CHD4: variants seen among roughly 807,000 people sequenced by gnomAD.
CHD4 encodes the protein chromodomain helicase DNA binding protein 4.
In CHD4, 35 loss-of-function variants were observed where a neutral mutation model predicts 235.5. The observed-to-expected ratio is 0.15, with a 90% confidence interval of 0.11 to 0.20. The LOEUF is 0.20. Among genes scored for constraint, CHD4 ranks in the 10% least tolerant of loss-of-function variants. CHD4 has a pLI of 1.00. For synonymous variants in CHD4, 900 were observed against 850.2 expected (o/e 1.06, Z -1.02); for missense variants, 1,329 against 2,432.3 (o/e 0.55, Z 9.54).
At position 6,570,943 on chromosome 12, in the gene CHD4, C is replaced by T; in HGVS notation, c.5647G>A (p.Val1883Met). ...ATIARIPPVA[V>M]RLQMSERNIL... ...TTACGCTCTGACATCTGTAACCTCA[C>T]AGCAACTGGGGGAATTCGGGCAATG... Residue 1883 changes from valine to methionine, a missense_variant, in exon 39 of 40, where the codon GTG becomes ATG. Transcript: ENST00000544040. The T allele has an allele frequency of 6.2e-7, 1 of 1,614,168 alleles. No homozygotes were observed. Among genetic ancestry groups the T allele is most frequent in the Non-Finnish European group, 8.5e-7 (1 of 1,180,042 alleles).
chr12:6,595,454 G>A (rs1222415191), intron 13 of CHD4, 24 bp from the exon 14 acceptor site: 1 of 1,599,566 alleles, frequency 6.3e-7, no homozygotes, highest in Non-Finnish European at 8.6e-7. Context: ...ACATCACACA[G>A]CTGCCCAAAA....
chr12:6,599,057 G>A (rs975149537), intron 10 of CHD4, among the ~76,000 whole-genome samples: 3 of 152,170 alleles, frequency 2.0e-5, no homozygotes, highest in African/African-American at 4.8e-5. Context: ...TTAACAATAA[G>A]CCAGAACAAT....
Position 6,601,271 on chromosome 12 carries a change from A to G in CHD4, c.799+18T>C, listed in dbSNP as rs115269629. On this transcript the variant is annotated intron_variant, in intron 6 of 39. Coordinates refer to ENST00000544040, the MANE Select transcript of CHD4 (RefSeq NM_001273.5). ...GCCCACACTAGACACCCCCACTCCC[A>G]TTTGAACCCCATTTCACCTTTGCCC... is the stretch of plus-strand genomic sequence containing the variant. 7,602 of 1,610,622 alleles carry G rather than the reference A, an allele frequency of 4.7e-3. 265 individuals are homozygous for G. The African/African-American group carries it at 0.082, about 17-fold the overall frequency.
At chr12:6,582,423 T>C (rs1195865849) in intron 29 of CHD4, 142 bp from the exon 30 acceptor site, 2 of 1,311,254 alleles carry the variant, frequency 1.5e-6, no homozygotes, top group Non-Finnish European at 2.1e-6. Context: ...GGAAGGCTGA[T>C]CTCTAGACCC....
At chr12:6,594,327 T>C (rs1425671686) in intron 15 of CHD4, 132 bp downstream of exon 15, 1 of 706,618 alleles carries the variant, frequency 1.4e-6, no homozygotes, top group Non-Finnish European at 2.4e-6. Context: ...TACATGTGTT[T>C]ATCTATTATC....
intron 22 of CHD4, 130 bp from the exon 23 acceptor site, chr12:6,588,552 TG>T (rs1948340321): frequency 1.0e-6 from 1 of 962,592 alleles, no homozygotes; most frequent in Non-Finnish European, 1.5e-6. Context: ...CAGAGACAGG[TG>T]GATCATTTGA....
rs1305046519 is a variant in CHD4 at position 6,587,904 on chromosome 12, T to C, written c.3511A>G (p.Ile1171Val). Residue 1171 changes from isoleucine (I) to valine (V), a missense_variant, in exon 24 of 40, where the codon ATC becomes GTC. Ile to Val is a conservative substitution (Grantham distance 29, BLOSUM62 3). Around this residue, in one of 26 missense-constraint regions of CHD4, gnomAD observed 13 missense variants for 141.9 expected, o/e 0.09. Transcript: ENST00000544040. ...HRIGQNKKVMIYRFVTRASVE... is the reference protein window; with the variant it reads ...HRIGQNKKVMVYRFVTRASVE... ...GACGCACGGGTCACAAACCGGTAGATCATTACCTTTTTATTTTGCCCAATC... is the reference window on the plus strand; with the variant it reads ...GACGCACGGGTCACAAACCGGTAGACCATTACCTTTTTATTTTGCCCAATC... The C allele has an allele frequency of 6.2e-7, 1 of 1,614,210 alleles. No individual in the cohort carries two copies. Among genetic ancestry groups the C allele is most frequent in the South Asian group, 1.1e-5 (1 of 91,084 alleles).
chr12:6,606,482 C>G (rs907832930), intron 1 of CHD4, 31 bp from the exon 2 acceptor site: 2 of 587,762 alleles, frequency 3.4e-6, no homozygotes, highest in East Asian at 3.4e-5. Flanking sequence ...AAACACAGAA[C>G]AGTCAGTGAC....
At position 6,570,712 on chromosome 12, in the gene CHD4, G is replaced by C. The variant is rs771386254; in HGVS notation, c.5722-19C>G. The C allele has an allele frequency of 6.2e-7, 1 of 1,614,114 alleles. No individual in the cohort carries two copies. Among genetic ancestry groups the C allele is most frequent in the East Asian group, 2.2e-5 (1 of 44,882 alleles). On this transcript the variant is annotated intron_variant, in intron 39 of 39. Transcript: ENST00000544040. The stretch of plus-strand genomic sequence containing the variant: ...GGGCTACCTAGAGAAGGAGACCCGA[G>C]GAGTCAGAATTCCAGATGATAGGAA...
chr12:6,585,349 A>G lies in CHD4; in HGVS notation c.3880-1971T>C, dbSNP rs140585746. On this transcript the variant is annotated intron_variant, in intron 25 of 39. Transcript: ENST00000544040. Reference sequence around the variant, plus strand: ...CCCCAGGCTGGAGTGCAGTGGGGCAATCTTGGCTCACTGCAAGCTCTGCCT... The same window carrying G: ...CCCCAGGCTGGAGTGCAGTGGGGCAGTCTTGGCTCACTGCAAGCTCTGCCT... 3.2e-4 allele frequency among the ~76,000 whole-genome samples: 49 copies of G among 152,070 alleles called. 1 individual carries two copies. Among genetic ancestry groups the G allele is most frequent in the African/African-American group, 1.1e-3 (46 of 41,528 alleles).
rs1045315644 is a variant in CHD4, at chr12:6,582,653, A to G, written c.4332T>C (p.Leu1444=). The G allele has an allele frequency of 3.1e-6, 5 of 1,614,056 alleles. No individual in the cohort carries two copies. In the Admixed American group the frequency reaches 6.7e-5, roughly 22 times the overall value. ...CTGATTTGCCTCGCAGGTCTCTTACAAGCCACTGGGTAGTAAAAGCATCCT... is the reference window on the plus strand; with the variant it reads ...CTGATTTGCCTCGCAGGTCTCTTACGAGCCACTGGGTAGTAAAAGCATCCT... ...PPQDAFTTQW[L]VRDLRGKSEK... Residue 1444 remains leucine, a synonymous_variant, in exon 29 of 40, where the codon CTT becomes CTC. Transcript: ENST00000544040.
At chr12:6,579,081 GCA>G in intron 33 of CHD4, 164 bp from the exon 34 acceptor site, 1 of 450,344 alleles carries the variant, frequency 2.2e-6, no homozygotes, top group Middle Eastern at 5.6e-4. Flanking sequence ...TTGGGAGACA[GCA>G]GCAGGCAGAT....
At chr12:6,595,488 T>C in intron 13 of CHD4, 58 bp from the exon 14 acceptor site, 1 of 1,491,352 alleles carries the variant, frequency 6.7e-7, no homozygotes, top group Non-Finnish European at 9.3e-7. Flanking sequence ...AAGAAACAAC[T>C]TGGCCAGGCA....
Position 6,591,974 on chromosome 12 carries a change from A to G in CHD4, c.3032T>C (p.Val1011Ala). ...GCAGCACTTCTTAAGATCCATCACCACATTCAGCAGAGACACCTGGTTGCC... is the reference window on the plus strand; with the variant it reads ...GCAGCACTTCTTAAGATCCATCACCGCATTCAGCAGAGACACCTGGTTGCC... ...GGGNQVSLLNVVMDLKKCCNH... is the reference protein window; with the variant it reads ...GGGNQVSLLNAVMDLKKCCNH... The change falls in exon 20 of 40, where the codon GTG (valine) becomes GCG (alanine). Residue 1011 changes from valine to alanine, a missense_variant. Val to Ala is a moderately conservative substitution (Grantham distance 64). Transcript: ENST00000544040. The G allele has an allele frequency of 6.2e-7, 1 of 1,614,214 alleles. No homozygotes were observed. The highest frequency in any genetic ancestry group is 8.5e-7 in the Non-Finnish European group (1 of 1,180,038).
rs11064280 is a variant in CHD4 at position 6,604,900 on chromosome 12, T to C, written c.100+1374A>G. Among the ~76,000 whole-genome samples the C allele has an allele frequency of 3.0e-3, 459 of 152,196 alleles. 1 individual carries two copies. Among genetic ancestry groups the C allele is most frequent in the Non-Finnish European group, 4.8e-3 (323 of 67,994 alleles). On this transcript the variant is annotated intron_variant, in intron 2 of 39. Transcript: ENST00000544040. Reference sequence around the variant, plus strand: ...AGGCCAAGACGTGGAACCCAGAATGTTTAGGCAGCACTACTGTTTCTCATG... The same window carrying C: ...AGGCCAAGACGTGGAACCCAGAATGCTTAGGCAGCACTACTGTTTCTCATG...
At chr12:6,606,489 T>C (rs1279311365) in intron 1 of CHD4, 38 bp from the exon 2 acceptor site, 8 of 564,644 alleles carry the variant, frequency 1.4e-5, no homozygotes, top group Non-Finnish European at 2.2e-5. Flanking sequence ...GAACAGTCAG[T>C]GACGCGCACT....
rs759218992 is a variant in CHD4, at chr12:6,597,907, T to C, written c.1879A>G (p.Ile627Val). The change falls in exon 12 of 40, where the codon ATC becomes GTC. Residue 627 changes from isoleucine (I) to valine (V), a missense_variant. Physicochemically the swap from Ile to Val is conservative, Grantham distance 29 (BLOSUM62 3). Around this residue, in one of 26 missense-constraint regions of CHD4, gnomAD observed 121 missense variants for 177.8 expected, o/e 0.68. Transcript: ENST00000544040. ...IKPEWMMIHR[I>V]LNHSVDKKGH... ...CTCAGCTGGTACCTGTGGTTGAGGA[T>C]TCGGTGGATCATCATCCACTCGGGT... 2 of 1,614,060 alleles carry C rather than the reference T, an allele frequency of 1.2e-6. No homozygotes were observed. The highest frequency in any genetic ancestry group is 8.5e-7 in the Non-Finnish European group (1 of 1,179,998).
At position 6,581,131 on chromosome 12, in the gene CHD4, C is replaced by T. The variant is rs201992075; in HGVS notation, c.4822G>A (p.Val1608Ile). 4.2e-5 allele frequency: 67 copies of T among 1,614,134 alleles called. No individual in the cohort carries two copies. The Middle Eastern group carries it at 6.6e-4, about 16-fold the overall frequency. ...TCCTCTCCCTCAGGGGGTTCAACAA[C>T]GACCTTTTCATCCTCTGAGGCAGGG... ...PAPASEDEKV[V>I]VEPPEGEEKV... The change falls in exon 33 of 40, where the codon GTT becomes ATT. Residue 1608 changes from valine to isoleucine, a missense_variant. Physicochemically the swap from Val to Ile is conservative, Grantham distance 29 (BLOSUM62 3). Coordinates refer to ENST00000544040, the MANE Select transcript of CHD4 (RefSeq NM_001273.5).
intron 38 of CHD4, 186 bp from the exon 39 acceptor site, chr12:6,571,218 G>GA: frequency 1.5e-6 from 1 of 649,304 alleles, no homozygotes; most frequent in South Asian, 2.1e-5. Flanking sequence ...AACTGTCCAT[G>GA]ATTTTGTGCT....
Sources: allele counts gnomAD v4.1 joint callset (sites outside exome capture counted in the v4.1 genomes callset), GRCh38; gene constraint gnomAD v4.1.1; regional missense constraint gnomAD v4.1.1; transcripts MANE v1.5; gene names NCBI Gene and HGNC (gene_info 2026-07-23, HGNC 2026-07-21).